The following CEP85 variants were observed in gnomAD, a reference collection of about 807,000 sequenced individuals.
CEP85 encodes centrosomal protein 85, also known as centrosomal protein of 85 kDa.
In CEP85, 58 loss-of-function variants were observed where a neutral mutation model predicts 93.7. The ratio of observed to expected loss-of-function variants is 0.62; its 90% CI spans 0.50 to 0.77. CEP85 has a LOEUF of 0.77. Among genes scored for constraint, CEP85 ranks in the 30% least tolerant of loss-of-function variants. The pLI is 0.00. For missense variants in CEP85, 868 were observed against 922.0 expected (o/e 0.94, Z 0.76); for synonymous variants, 314 against 338.6 (o/e 0.93, Z 0.80).
chr1:26,248,722 CTTTTTTTT>C (rs573449499), intron 3 of CEP85, among the ~76,000 whole-genome samples: 8 of 56,212 alleles, frequency 1.4e-4, no homozygotes, highest in Middle Eastern at 0.021. Context: ...GTCTTGAACT[CTTTTTTTT>C]TTTTTTTTTT....
chr1:26,251,208 G>A (rs1397599197), intron 3 of CEP85, among the ~76,000 whole-genome samples: 1 of 149,014 alleles, frequency 6.7e-6, no homozygotes, highest in East Asian at 2.0e-4. Flanking sequence ...CTCCCAAAGT[G>A]CTAGGATTAC....
chr1:26,242,730 G>A (rs879748761), intron 2 of CEP85, among the ~76,000 whole-genome samples: 1 of 152,140 alleles, frequency 6.6e-6, no homozygotes, highest in Non-Finnish European at 1.5e-5. Context: ...CTGTAGAACC[G>A]TATTTTCTGA....
chr1:26,261,686 G>A (rs2089810244), intron 7 of CEP85, among the ~76,000 whole-genome samples: 1 of 150,254 alleles, frequency 6.7e-6, no homozygotes, highest in African/African-American at 2.5e-5. Context: ...CTTGAGCTCA[G>A]GAGTTTAAGA....
intron 1 of CEP85, among the ~76,000 whole-genome samples, chr1:26,235,720 G>A (rs1304108893): frequency 1.3e-5 from 2 of 152,016 alleles, no homozygotes; most frequent in African/African-American, 4.8e-5. Flanking sequence ...TTACAGGCAT[G>A]CGCCACCATG....
rs142753531 is a variant in CEP85, at chr1:26,273,724, G to A, written c.1795-1240G>A. On this transcript the variant is annotated intron_variant, in intron 11 of 13. Coordinates refer to ENST00000451429, the MANE Select transcript of CEP85 (RefSeq NM_001319944.2). ...ATCCTGGCTAACAAGGTGAAACCCT[G>A]TCTCTACTAAGAATACAAAAAGATT... Among the ~76,000 whole-genome samples the A allele has an allele frequency of 5.9e-3, 892 of 152,078 alleles. 7 individuals are homozygous for A. The highest frequency in any genetic ancestry group is 0.021 in the African/African-American group (867 of 41,494).
At chr1:26,254,192 G>A (rs1356007233) in intron 3 of CEP85, among the ~76,000 whole-genome samples, 3 of 152,134 alleles carry the variant, frequency 2.0e-5, no homozygotes, top group Non-Finnish European at 4.4e-5. Flanking sequence ...TAGTTGAAAA[G>A]AGAAGAAATT....
chr1:26,262,707 A>G (rs558771164), intron 7 of CEP85, among the ~76,000 whole-genome samples: 13 of 152,332 alleles, frequency 8.5e-5, no homozygotes, highest in Admixed American at 1.3e-4. Flanking sequence ...GGCACCTGCA[A>G]CACACTCTTA....
rs1185542130 is a variant in CEP85 at position 26,235,564 on chromosome 1, A to ATTTTTTTTTT, written c.-23+1256_-23+1257insTTTTTTTTTT. Among the ~76,000 whole-genome samples, 118 of 69,508 alleles carry ATTTTTTTTTT rather than the reference A, an allele frequency of 1.7e-3. 2 individuals carry two copies. The highest frequency in any genetic ancestry group is 5.7e-3 in the African/African-American group (98 of 17,276). The allele number at this position is 69,508 out of a possible 152,430, so 45.6% of individuals were successfully genotyped here. A position where few individuals can be genotyped will look rare whatever the true frequency, so the allele number is the denominator to read the frequency against. On this transcript the variant is annotated intron_variant, in intron 1 of 13. Coordinates refer to ENST00000451429, the MANE Select transcript of CEP85 (RefSeq NM_001319944.2). ...CATGATGTTCCACACTTAGATTGTA[A>ATTTTTTTTTT]TTCTTTTTTTTTTTTTTTTTTTTGT...
chr1:26,248,040 A>G (rs1341262931), intron 3 of CEP85, among the ~76,000 whole-genome samples: 1 of 152,182 alleles, frequency 6.6e-6, no homozygotes, highest in Non-Finnish European at 1.5e-5. Context: ...GAATTGAATC[A>G]TAGATTTTGA....
rs553477726 is a variant in CEP85, at chr1:26,278,272, A to G, written c.*979A>G. On this transcript the variant is annotated 3_prime_UTR_variant, in exon 14 of 14. Transcript: ENST00000451429. ...ACCCAGTACAAGTCAGCTTTAAAGTACAGCTTTTAGTGTTTCCTGGGTTGT... is the reference window on the plus strand; with the variant it reads ...ACCCAGTACAAGTCAGCTTTAAAGTGCAGCTTTTAGTGTTTCCTGGGTTGT... The G allele has an allele frequency of 4.6e-5, 7 of 152,726 alleles. No homozygotes were observed. Among genetic ancestry groups the G allele is most frequent in the Admixed American group, 4.6e-4 (7 of 15,294 alleles). 9.5% of individuals were successfully genotyped at this position (152,726 alleles called of 1,614,324 possible). A position where few individuals can be genotyped will look rare whatever the true frequency, so the allele number is the denominator to read the frequency against.
Position 26,271,038 on chromosome 1 carries a change from G to A in CEP85, c.1674G>A (p.Glu558=), listed in dbSNP as rs1161928276. The part of the protein sequence containing the change: ...GHSLQDKQSV[E]ETSGEGPEVE... ...GCCTGCAAGATAAACAGTCTGTGGA[G>A]GAGACCAGTGGAGAAGGTCCAGAAG... The change falls in exon 10 of 14, where the codon GAG becomes GAA. Residue 558 remains glutamate (E), a synonymous_variant. Coordinates refer to ENST00000451429, the MANE Select transcript of CEP85 (RefSeq NM_001319944.2). 2 of 1,612,942 alleles carry A rather than the reference G, an allele frequency of 1.2e-6. No individual in the cohort carries two copies.
At position 26,241,978 on chromosome 1, in the gene CEP85, TCTCCAA is replaced by T. The variant is rs139659815; in HGVS notation, c.55+2145_55+2150del. On this transcript the variant is annotated intron_variant, in intron 2 of 13. Coordinates refer to ENST00000451429, the MANE Select transcript of CEP85 (RefSeq NM_001319944.2). ...GGGTTTCGCCATATGCCCAGGCTGG[TCTCCAA>T]CTCCTGAGCTCAGGTAATCTGCCCA... Among the ~76,000 whole-genome samples, 102 of 151,792 alleles carry T rather than the reference TCTCCAA, an allele frequency of 6.7e-4. 1 individual carries two copies. Among genetic ancestry groups the T allele is most frequent in the African/African-American group, 2.2e-3 (93 of 41,386 alleles).
chr1:26,271,112 C>T lies in CEP85; in HGVS notation c.1743+5C>T, dbSNP rs772433292. ...CGATACGATTCGCTCCAAAAGGTGA[C>T]TGAGGGTGTCCAGGCTGTAACGGAG... On this transcript the variant is annotated splice_donor_5th_base_variant and intron_variant, in intron 10 of 13. Transcript: ENST00000451429. 1 of 1,584,066 alleles carries T rather than the reference C, an allele frequency of 6.3e-7. No homozygotes were observed. The highest frequency in any genetic ancestry group is 8.7e-7 in the Non-Finnish European group (1 of 1,152,752).
chr1:26,262,489 A>C (rs1475632370), intron 7 of CEP85, among the ~76,000 whole-genome samples: 1 of 151,998 alleles, frequency 6.6e-6, no homozygotes, highest in Non-Finnish European at 1.5e-5. Flanking sequence ...CTCAAAAAAA[A>C]CAAAACAAAA....
At chr1:26,235,165 A>G (rs1396039715) in intron 1 of CEP85, among the ~76,000 whole-genome samples, 4 of 152,238 alleles carry the variant, frequency 2.6e-5, no homozygotes, top group Admixed American at 2.6e-4. Context: ...CCTTTACACC[A>G]GTACATTCCC....
At chr1:26,259,537 G>C in intron 6 of CEP85, 80 bp from the exon 7 acceptor site, 1 of 1,281,454 alleles carries the variant, frequency 7.8e-7, no homozygotes, top group Non-Finnish European at 1.1e-6. Context: ...ATATTTGACC[G>C]TGAAGTATGC....
intron 7 of CEP85, among the ~76,000 whole-genome samples, chr1:26,260,651 T>TTTAG (rs1265514332): frequency 7.2e-5 from 11 of 152,180 alleles, no homozygotes; most frequent in Admixed American, 7.2e-4. Flanking sequence ...GGGGAACCAG[T>TTTAG]TTAGTAATGT....
At chr1:26,246,552 G>A (rs1363925831) in intron 3 of CEP85, among the ~76,000 whole-genome samples, 1 of 151,958 alleles carries the variant, frequency 6.6e-6, no homozygotes, top group Non-Finnish European at 1.5e-5. Flanking sequence ...TGGGCAACAC[G>A]GTGAAAGCCC....
intron 7 of CEP85, among the ~76,000 whole-genome samples, chr1:26,261,505 T>TA (rs1365598673): frequency 6.6e-6 from 1 of 151,980 alleles, no homozygotes; most frequent in African/African-American, 2.4e-5. Flanking sequence ...TTAGTGAGTT[T>TA]AAAAAAATAA....
Sources: allele counts gnomAD v4.1 joint callset (sites outside exome capture counted in the v4.1 genomes callset), GRCh38; gene constraint gnomAD v4.1.1; transcripts MANE v1.5; gene names NCBI Gene and HGNC (gene_info 2026-07-23, HGNC 2026-07-21).